The following BMPR1A variants were observed in gnomAD, a reference collection of about 807,000 sequenced individuals.
BMPR1A encodes bone morphogenetic protein receptor type-1A.
In BMPR1A, 7 loss-of-function variants were observed where a neutral mutation model predicts 66.0. The observed-to-expected ratio is 0.11, with a 90% CI of 0.06 to 0.20. BMPR1A has a LOEUF of 0.20. BMPR1A is among the 10% of genes least tolerant of loss of function. BMPR1A has a pLI of 1.00. For synonymous variants in BMPR1A, 200 were observed against 229.7 expected, an observed-to-expected ratio of 0.87 and a Z score of 1.17; for missense variants, 408 against 669.1, an observed-to-expected ratio of 0.61 and a Z score of 4.31.
chr10:86,895,463 A>G (rs948264520), intron 5 of BMPR1A, among the ~76,000 whole-genome samples: 7 of 151,960 alleles, frequency 4.6e-5, no homozygotes, highest in African/African-American at 7.3e-5. Flanking sequence ...GCTTGAACAC[A>G]GGAGGTGGAG....
At chr10:86,782,380 C>T (rs1841450428) in intron 1 of BMPR1A, among the ~76,000 whole-genome samples, 1 of 152,090 alleles carries the variant, frequency 6.6e-6, no homozygotes, top group Non-Finnish European at 1.5e-5. Context: ...TCTGGTATTC[C>T]ATTTTAAATT....
chr10:86,887,947 G>A (rs548306610), intron 3 of BMPR1A, among the ~76,000 whole-genome samples: 1 of 152,186 alleles, frequency 6.6e-6, no homozygotes, highest in South Asian at 2.1e-4. Context: ...CTGCTCAGTG[G>A]ATTTCTTCCC....
chr10:86,893,754 C>T (rs1843188390), intron 5 of BMPR1A, among the ~76,000 whole-genome samples: 1 of 151,384 alleles, frequency 6.6e-6, no homozygotes, highest in Admixed American at 6.6e-5. Flanking sequence ...CACCACTGCA[C>T]TCCAGCCTGG....
chr10:86,868,358 CCA>C (rs1037284475), intron 2 of BMPR1A, among the ~76,000 whole-genome samples: 131 of 152,246 alleles, frequency 8.6e-4, no homozygotes, highest in African/African-American at 3.1e-3. Context: ...TGGTGTTGCT[CCA>C]GTTGTACAAG....
rs2077457062 is a variant in BMPR1A at position 86,838,994 on chromosome 10, A to G, written c.-153+15A>G. 1 of 152,190 alleles carries G rather than the reference A, an allele frequency of 6.6e-6. No homozygotes were observed. The highest frequency in any genetic ancestry group is 2.4e-5 in the African/African-American group (1 of 41,444). The allele number at this position is 152,190 out of a possible 1,614,324, so 9.4% of individuals were successfully genotyped here. On this transcript the variant is annotated intron_variant, in intron 2 of 12. Coordinates refer to ENST00000372037, the MANE Select transcript of BMPR1A (RefSeq NM_004329.3). ...ACATCTTGGAGGTAAGGAAAAGAAC[A>G]TAATTTAGAATAATATGAAATTTCT...
chr10:86,910,310 C>G (rs1843460057), intron 7 of BMPR1A, among the ~76,000 whole-genome samples: 1 of 151,944 alleles, frequency 6.6e-6, no homozygotes, highest in Admixed American at 6.6e-5. Context: ...TGCACTCCAG[C>G]CTGGAGGACA....
intron 1 of BMPR1A, among the ~76,000 whole-genome samples, chr10:86,778,733 A>G (rs186698718): frequency 6.6e-6 from 1 of 151,994 alleles, no homozygotes; most frequent in African/African-American, 2.4e-5. Context: ...TCCTTTAACA[A>G]ATTTCTCCCT....
At chr10:86,842,920 G>C (rs1842443794) in intron 2 of BMPR1A, among the ~76,000 whole-genome samples, 1 of 152,090 alleles carries the variant, frequency 6.6e-6, no homozygotes, top group African/African-American at 2.4e-5. Context: ...TTTCCCACTG[G>C]GTCCCTCCCA....
chr10:86,787,175 T>A (rs970544699), intron 1 of BMPR1A, among the ~76,000 whole-genome samples: 1 of 152,186 alleles, frequency 6.6e-6, no homozygotes, highest in East Asian at 1.9e-4. Flanking sequence ...ATGGATTTTT[T>A]AAAAAAGAAC....
intron 1 of BMPR1A, among the ~76,000 whole-genome samples, chr10:86,796,957 T>G (rs1447535586): frequency 1.3e-5 from 2 of 152,204 alleles, no homozygotes; most frequent in Admixed American, 6.5e-5. Flanking sequence ...TTCTAATTTA[T>G]TCACAGATTT....
At chr10:86,861,524 A>G (rs1352404996) in intron 2 of BMPR1A, among the ~76,000 whole-genome samples, 1 of 152,248 alleles carries the variant, frequency 6.6e-6, no homozygotes, top group Non-Finnish European at 1.5e-5. Context: ...AATTTAGATC[A>G]TGCTTTGAAG....
chr10:86,912,129 G>A, intron 7 of BMPR1A, 111 bp from the exon 8 acceptor site: 1 of 1,184,898 alleles, frequency 8.4e-7, no homozygotes, highest in Non-Finnish European at 1.2e-6. Context: ...AGACTAATTT[G>A]GATAGGATTC....
intron 1 of BMPR1A, among the ~76,000 whole-genome samples, chr10:86,790,501 A>G (rs1841599905): frequency 6.6e-6 from 1 of 152,066 alleles, no homozygotes; most frequent in Non-Finnish European, 1.5e-5. Flanking sequence ...TTTGTGCATG[A>G]AAGTTTACAG....
intron 5 of BMPR1A, among the ~76,000 whole-genome samples, chr10:86,899,407 C>T (rs769068519): frequency 1.4e-4 from 22 of 152,342 alleles, no homozygotes; most frequent in Non-Finnish European, 2.5e-4. Flanking sequence ...CGCCTCTGCA[C>T]GCTCAGCTGC....
chr10:86,805,150 C>G (rs1257284092), intron 1 of BMPR1A, among the ~76,000 whole-genome samples: 1 of 151,648 alleles, frequency 6.6e-6, no homozygotes, highest in Non-Finnish European at 1.5e-5. Flanking sequence ...ACTTGATTAC[C>G]TCTGTAAAGA....
chr10:86,886,521 A>C (rs1843068533), intron 3 of BMPR1A, among the ~76,000 whole-genome samples: 1 of 152,186 alleles, frequency 6.6e-6, no homozygotes, highest in Admixed American at 6.5e-5. Context: ...GACTTTGGTA[A>C]GACCAGGTTT....
intron 1 of BMPR1A, among the ~76,000 whole-genome samples, chr10:86,826,415 C>CACAT (rs1161984040): frequency 6.6e-6 from 1 of 151,130 alleles, no homozygotes; most frequent in Non-Finnish European, 1.5e-5. Flanking sequence ...CAAGGAAACA[C>CACAT]ACACACACAC....
chr10:86,756,199 T>A (rs1402087609), upstream of BMPR1A: 1 of 152,108 alleles, frequency 6.6e-6, no homozygotes, highest in African/African-American at 2.4e-5. Flanking sequence ...AGGGCGCCGA[T>A]GGCCGCAGCG....
chr10:86,859,648 A>G (rs1267593017), intron 2 of BMPR1A, among the ~76,000 whole-genome samples: 1 of 152,068 alleles, frequency 6.6e-6, no homozygotes, highest in African/African-American at 2.4e-5. Flanking sequence ...CATCTCTACT[A>G]AAAATATAAA....
Sources: allele counts gnomAD v4.1 joint callset (sites outside exome capture counted in the v4.1 genomes callset), GRCh38; gene constraint gnomAD v4.1.1; transcripts MANE v1.5; gene names NCBI Gene and HGNC (gene_info 2026-07-23, HGNC 2026-07-21).